The following ZNF274 variants were observed in gnomAD, a reference collection of about 807,000 sequenced individuals.
The protein encoded by ZNF274 is zinc finger protein 274, also known as neurotrophin receptor-interacting factor homolog.
A neutral mutation model predicts 42.5 loss-of-function variants in ZNF274; 23 were observed. The ratio of observed to expected loss-of-function variants is 0.54; its 90% CI spans 0.39 to 0.77. ZNF274 has a LOEUF of 0.77. Among genes scored for constraint, ZNF274 ranks in the 30% least tolerant of loss-of-function variants. The pLI is 0.00. For synonymous variants in ZNF274, 292 were observed against 305.4 expected, an observed-to-expected ratio of 0.96 and a Z score of 0.46; for missense variants, 679 against 806.5, an observed-to-expected ratio of 0.84 and a Z score of 1.91.
At chr19:58,188,700 A>ATGTG (rs2075740540) in intron 4 of ZNF274, among the ~76,000 whole-genome samples, 1 of 85,582 alleles carries the variant, frequency 1.2e-5, no homozygotes, top group Non-Finnish European at 2.0e-5. Context: ...ATATGTATAT[A>ATGTG]TATATATATA....
chr19:58,187,582 C>T (rs966804797), intron 4 of ZNF274, among the ~76,000 whole-genome samples: 1 of 151,940 alleles, frequency 6.6e-6, no homozygotes, highest in Non-Finnish European at 1.5e-5. Flanking sequence ...CCACCATGCC[C>T]GTTTAATTGT....
At chr19:58,197,601 A>G (rs2075859466) in intron 4 of ZNF274, among the ~76,000 whole-genome samples, 1 of 152,234 alleles carries the variant, frequency 6.6e-6, no homozygotes, top group African/African-American at 2.4e-5. Flanking sequence ...CTCAGTACAT[A>G]ACGTTGAGTG....
intron 4 of ZNF274, among the ~76,000 whole-genome samples, chr19:58,188,313 C>G (rs2075724226): frequency 6.6e-6 from 1 of 150,504 alleles, no homozygotes; most frequent in Non-Finnish European, 1.5e-5. Context: ...TGTTTGAGAC[C>G]CTGTCTCTAT....
chr19:58,210,184 A>G (rs1600158602), intron 6 of ZNF274, 111 bp downstream of exon 6: 1 of 776,018 alleles, frequency 1.3e-6, no homozygotes. Flanking sequence ...ACAGGCTGGG[A>G]CATTCTGAGA....
At chr19:58,186,518 T>C (rs1051360263) in intron 3 of ZNF274, among the ~76,000 whole-genome samples, 9 of 119,432 alleles carry the variant, frequency 7.5e-5, no homozygotes, top group African/African-American at 1.4e-4. Context: ...CTTGGGCAAC[T>C]GAGCAAGACT....
Position 58,207,755 on chromosome 19 carries a change from G to A in ZNF274, c.739+553G>A, listed in dbSNP as rs554072724. On this transcript the variant is annotated intron_variant, in intron 5 of 7. Coordinates refer to ENST00000617501, the MANE Select transcript of ZNF274 (RefSeq NM_133502.3). The surrounding 1 kb of genome is among the most constrained non-coding windows in gnomAD (Gnocchi z 5.6). ...AGTAAATGCAAAACTCAGAAAAATC[G>A]GTTATGTTTGTGATGGAAGGGAGCA... 2.0e-5 allele frequency among the ~76,000 whole-genome samples: 3 copies of A among 152,292 alleles called. No individual in the cohort carries two copies. Among genetic ancestry groups the A allele is most frequent in the East Asian group, 1.9e-4 (1 of 5,174 alleles).
intron 4 of ZNF274, among the ~76,000 whole-genome samples, chr19:58,195,178 C>CA (rs1290748417): frequency 2.0e-5 from 3 of 147,260 alleles, no homozygotes; most frequent in African/African-American, 5.1e-5. Context: ...AGCCTGGCGA[C>CA]AGAGTGAGAC....
chr19:58,192,824 A>G (rs2075793675), intron 4 of ZNF274, among the ~76,000 whole-genome samples: 1 of 152,176 alleles, frequency 6.6e-6, no homozygotes, highest in South Asian at 2.1e-4. Flanking sequence ...GGCTCACTGC[A>G]GCCTTGAACT....
intron 2 of ZNF274, chr19:58,185,498 A>G (rs1415648566): frequency 3.2e-6 from 1 of 313,736 alleles, no homozygotes; most frequent in Non-Finnish European, 5.9e-6. Flanking sequence ...CAGAGATCTC[A>G]TGTGTTGCTC....
rs957915451 is a variant in ZNF274, at chr19:58,183,398, C to A, written c.-90C>A. On this transcript the variant is annotated 5_prime_UTR_variant, in exon 1 of 8. Coordinates refer to ENST00000617501, the MANE Select transcript of ZNF274 (RefSeq NM_133502.3). ...TGTAGTTCGGGACGGCGGGCTGACG[C>A]ACTTCGCCGCCGGCCGACGGGCGCC... is the stretch of plus-strand genomic sequence containing the variant. 3 of 152,356 alleles carry A rather than the reference C, an allele frequency of 2.0e-5. No individual in the cohort carries two copies. The highest frequency in any genetic ancestry group is 2.9e-5 in the Non-Finnish European group (2 of 68,092). 9.4% of individuals were successfully genotyped at this position (152,356 alleles called of 1,614,324 possible).
intron 4 of ZNF274, among the ~76,000 whole-genome samples, chr19:58,188,676 G>GTATATATATATATA (rs1250346912): frequency 1.3e-5 from 1 of 79,772 alleles, no homozygotes; most frequent in African/African-American, 4.6e-5. Flanking sequence ...GTGTGTGTGT[G>GTATATATATATATA]TATATATATA....
chr19:58,187,537 T>G (rs1041961932), intron 4 of ZNF274, among the ~76,000 whole-genome samples: 2 of 152,058 alleles, frequency 1.3e-5, no homozygotes, highest in Admixed American at 6.6e-5. Flanking sequence ...TCCTCCGACC[T>G]CAGCCTTCCA....
rs60934983 is a variant in ZNF274 at position 58,188,620 on chromosome 19, AATAT to A, written c.256+1601_256+1604del. On this transcript the variant is annotated intron_variant, in intron 4 of 7. Coordinates refer to ENST00000617501, the MANE Select transcript of ZNF274 (RefSeq NM_133502.3). Reference sequence around the variant, plus strand: ...GACTCCATCTCAAAAAAAAAAAAAAAATATATATATATATATATATATATATGTA... The same window carrying A: ...GACTCCATCTCAAAAAAAAAAAAAAAATATATATATATATATATATATGTA... 4.1e-3 allele frequency among the ~76,000 whole-genome samples: 285 copies of A among 70,262 alleles called. 3 individuals are homozygous for A. The highest frequency in any genetic ancestry group is 0.023 in the African/African-American group (234 of 10,282). 46.1% of individuals were successfully genotyped at this position (70,262 alleles called of 152,430 possible). A position where few individuals can be genotyped will look rare whatever the true frequency, so the allele number is the denominator to read the frequency against.
chr19:58,195,023 TAAATAAATA>T (rs2075824762), intron 4 of ZNF274, among the ~76,000 whole-genome samples: 1 of 149,386 alleles, frequency 6.7e-6, no homozygotes, highest in Admixed American at 6.7e-5. Context: ...TAATAATAAA[TAAATAAATA>T]AATAAAAATA....
intron 2 of ZNF274, chr19:58,185,441 T>TTAAA (rs968158012): frequency 2.3e-4 from 36 of 156,684 alleles, no homozygotes; most frequent in East Asian, 1.1e-3. Context: ...AATAAATAAA[T>TTAAA]TAAATAAATA....
intron 4 of ZNF274, among the ~76,000 whole-genome samples, chr19:58,203,579 C>CAA (rs34444681): frequency 2.5e-3 from 203 of 80,250 alleles, no homozygotes; most frequent in African/African-American, 7.8e-3. Context: ...AACTCCGTCT[C>CAA]AAAAAAAAAA....
At position 58,201,017 on chromosome 19, in the gene ZNF274, T is replaced by G. The variant is rs917697385; in HGVS notation, c.257-5703T>G. On this transcript the variant is annotated intron_variant, in intron 4 of 7. Coordinates refer to ENST00000617501, the MANE Select transcript of ZNF274 (RefSeq NM_133502.3). ...TACTGTTGTTTGTTTGTTTTGTTTT[T>G]TTTTTTGGAGACACGGTCTCACTCT... Among the ~76,000 whole-genome samples, 23 of 151,654 alleles carry G rather than the reference T, an allele frequency of 1.5e-4. No individual in the cohort carries two copies. The East Asian group carries it at 1.7e-3, about 11-fold the overall frequency.
chr19:58,198,613 A>G (rs1053099681), intron 4 of ZNF274, among the ~76,000 whole-genome samples: 1 of 152,158 alleles, frequency 6.6e-6, no homozygotes, highest in South Asian at 2.1e-4. Flanking sequence ...GGTGCTGCCC[A>G]TAACTGTGAT....
At chr19:58,186,341 C>G (rs1413984491) in intron 3 of ZNF274, among the ~76,000 whole-genome samples, 2 of 151,778 alleles carry the variant, frequency 1.3e-5, no homozygotes, top group African/African-American at 4.8e-5. Context: ...CAGTTGAGGT[C>G]AGGAGTTCTA....
Sources: gnomAD v4.1 joint callset for allele counts (sites outside exome capture counted in the v4.1 genomes callset) on GRCh38, gnomAD v4.1.1 for gene constraint, Gnocchi (gnomAD v3.1) non-coding constraint, MANE v1.5 for transcripts, NCBI Gene and HGNC (gene_info 2026-07-23, HGNC 2026-07-21) for gene names.